The following RFX4 variants were observed in gnomAD, a reference collection of about 807,000 sequenced individuals.
The protein encoded by RFX4 is regulatory factor X4, also known as transcription factor RFX4.
Under a neutral mutation model 95.0 loss-of-function variants are expected in RFX4, and 10 were observed. That is an observed-to-expected ratio of 0.11 (90% CI 0.06 to 0.18). The LOEUF (loss-of-function observed/expected upper bound fraction) is 0.18, where lower values mean the gene tolerates loss of function less well. Among genes scored for constraint, RFX4 ranks in the 10% least tolerant of loss-of-function variants. The pLI is 1.00. For synonymous variants in RFX4, 321 were observed against 340.7 expected, an observed-to-expected ratio of 0.94 and a Z score of 0.64; for missense variants, 640 against 922.0, an observed-to-expected ratio of 0.69 and a Z score of 3.96.
At chr12:106,611,512 A>AT (rs2039960406) in intron 2 of RFX4, among the ~76,000 whole-genome samples, 1 of 142,158 alleles carries the variant, frequency 7.0e-6, no homozygotes, top group African/African-American at 2.6e-5. Flanking sequence ...GTCCAGCTTT[A>AT]TTCTTTTTTT....
At chr12:106,749,012 G>A (rs914974806) in intron 16 of RFX4, among the ~76,000 whole-genome samples, 3 of 151,706 alleles carry the variant, frequency 2.0e-5, no homozygotes, top group Non-Finnish European at 4.4e-5. Context: ...TTGAACCCAG[G>A]AGGTGGAGGC....
intron 5 of RFX4, 130 bp downstream of exon 5, chr12:106,682,184 GA>G (rs2051864488): frequency 1.1e-6 from 1 of 925,644 alleles, no homozygotes. Flanking sequence ...AGGGAATATG[GA>G]AGAGCTTTAT....
chr12:106,724,309 T>C (rs542594742), intron 13 of RFX4, among the ~76,000 whole-genome samples: 1 of 152,338 alleles, frequency 6.6e-6, no homozygotes, highest in African/African-American at 2.4e-5. Context: ...AGAATTTCCT[T>C]GCACAAGATC....
chr12:106,730,516 G>A (rs542383374), intron 13 of RFX4, among the ~76,000 whole-genome samples: 38 of 152,302 alleles, frequency 2.5e-4, no homozygotes, highest in Non-Finnish European at 3.5e-4. Context: ...TTTCCTCATC[G>A]GTAAGGGAGG....
chr12:106,754,793 C>T (rs1009108398), intron 17 of RFX4, among the ~76,000 whole-genome samples: 6 of 152,212 alleles, frequency 3.9e-5, no homozygotes, highest in Middle Eastern at 3.2e-3. Flanking sequence ...CTAGGCCAGG[C>T]TCTTCGCCAC....
intron 7 of RFX4, among the ~76,000 whole-genome samples, chr12:106,694,863 C>T (rs887056536): frequency 1.3e-5 from 2 of 152,050 alleles, no homozygotes; most frequent in African/African-American, 4.8e-5. Context: ...GGCGAAACCC[C>T]GTCTCTACTT....
Position 106,750,695 on chromosome 12 carries a change from C to T in RFX4, c.1837C>T (p.His613Tyr), listed in dbSNP as rs1351415703. 6.2e-7 allele frequency: 1 copy of T among 1,609,902 alleles called. No homozygotes were observed. The highest frequency in any genetic ancestry group is 8.5e-7 in the Non-Finnish European group (1 of 1,178,304). ...SYNYGSYGNQ[H>Y]PHPMQSQYPA... is the part of the protein sequence containing the mutation. ...TAACTATGGGAGCTATGGCAACCAG[C>T]ATCCTCACCCCATGCAGAGCCAGTA... The change falls in exon 17 of 18, where the codon CAT becomes TAT. Residue 613 changes from histidine to tyrosine, a missense_variant. His to Tyr is a moderately conservative substitution (Grantham distance 83, BLOSUM62 2). This residue lies in a region of RFX4 where 300 missense variants were observed against 346.8 expected (regional missense o/e 0.87). Coordinates refer to ENST00000392842, the MANE Select transcript of RFX4 (RefSeq NM_213594.3).
chr12:106,666,589 C>G (rs2041181496), intron 4 of RFX4, among the ~76,000 whole-genome samples: 1 of 151,974 alleles, frequency 6.6e-6, no homozygotes, highest in Non-Finnish European at 1.5e-5. Context: ...CTTGGATGTT[C>G]TGTTCGGTTT....
chr12:106,749,210 C>T (rs566776808), intron 16 of RFX4, among the ~76,000 whole-genome samples: 2 of 148,814 alleles, frequency 1.3e-5, no homozygotes, highest in South Asian at 2.1e-4. Flanking sequence ...AAGCTGAGAT[C>T]GCGCCACTGC....
chr12:106,686,762 C>T (rs1267814464), intron 5 of RFX4, 122 bp from the exon 6 acceptor site: 2 of 827,656 alleles, frequency 2.4e-6, no homozygotes, highest in East Asian at 2.4e-5. Flanking sequence ...GGTAGGATGG[C>T]CCCAGCTTTC....
intron 1 of RFX4, among the ~76,000 whole-genome samples, chr12:106,595,193 T>G (rs1021939110): frequency 6.6e-6 from 1 of 152,294 alleles, no homozygotes; most frequent in African/African-American, 2.4e-5. Flanking sequence ...TAGTTAACAA[T>G]ATGTCCAGGC....
In RFX4 at chr12:106,698,303, G is replaced by A. The variant is rs897705262; in HGVS notation, c.833+1857G>A. ...TAATTTTTTTTTAAGATGAGGTCTT[G>A]TTCTGTTGCCTGGGCTGGAGTGCAG... On this transcript the variant is annotated intron_variant, in intron 8 of 17. Coordinates refer to ENST00000392842, the MANE Select transcript of RFX4 (RefSeq NM_213594.3). 2.0e-5 allele frequency among the ~76,000 whole-genome samples: 3 copies of A among 151,568 alleles called. No homozygotes were observed. The East Asian group carries it at 5.9e-4, about 30-fold the overall frequency.
intron 5 of RFX4, among the ~76,000 whole-genome samples, chr12:106,686,198 G>T (rs1265673749): frequency 6.6e-6 from 1 of 152,102 alleles, no homozygotes; most frequent in African/African-American, 2.4e-5. Flanking sequence ...AGATCATGAG[G>T]TCAGGAGTTT....
In RFX4 at chr12:106,641,027, T is replaced by A. The variant is rs914158188; in HGVS notation, c.191+1635T>A. On this transcript the variant is annotated intron_variant, in intron 3 of 17. Transcript: ENST00000392842. ...AACTCCTGACCTCAGGTGACCCTCCTGCCTTGGCCTGTCAAAGTGGTGGGA... is the reference window on the plus strand; with the variant it reads ...AACTCCTGACCTCAGGTGACCCTCCAGCCTTGGCCTGTCAAAGTGGTGGGA... Among the ~76,000 whole-genome samples the A allele has an allele frequency of 1.1e-4, 16 of 152,242 alleles. 2 individuals are homozygous for A. Among genetic ancestry groups the A allele is most frequent in the Admixed American group, 9.2e-4 (14 of 15,288 alleles).
chr12:106,677,451 C>T (rs772956176), intron 4 of RFX4, among the ~76,000 whole-genome samples: 5 of 152,048 alleles, frequency 3.3e-5, no homozygotes, highest in Non-Finnish European at 7.4e-5. Flanking sequence ...CCTCATGGAC[C>T]ATCCTGAGGA....
chr12:106,685,987 T>C (rs1221696151), intron 5 of RFX4, among the ~76,000 whole-genome samples: 1 of 152,252 alleles, frequency 6.6e-6, no homozygotes, highest in African/African-American at 2.4e-5. Context: ...ATTGAAAACA[T>C]TGCTAATATT....
At chr12:106,625,479 T>C (rs1005215560) in intron 2 of RFX4, among the ~76,000 whole-genome samples, 1 of 152,228 alleles carries the variant, frequency 6.6e-6, no homozygotes, top group East Asian at 1.9e-4. Context: ...AATTGCATTT[T>C]TCCCCTAGTA....
intron 15 of RFX4, among the ~76,000 whole-genome samples, chr12:106,735,875 C>T (rs1017257527): frequency 2.6e-5 from 4 of 152,148 alleles, no homozygotes; most frequent in African/African-American, 4.8e-5. Flanking sequence ...GAGATATAAA[C>T]TAATGCTATG....
intron 3 of RFX4, among the ~76,000 whole-genome samples, chr12:106,652,793 G>C (rs892618878): frequency 1.6e-4 from 25 of 152,168 alleles, no homozygotes; most frequent in African/African-American, 4.1e-4. Flanking sequence ...TTTCAAGTGG[G>C]CACCTTGGGG....
Sources: allele counts gnomAD v4.1 joint callset (sites outside exome capture counted in the v4.1 genomes callset), GRCh38; gene constraint gnomAD v4.1.1; regional missense constraint gnomAD v4.1.1; transcripts MANE v1.5; gene names NCBI Gene and HGNC (gene_info 2026-07-23, HGNC 2026-07-21).